GRIN2B: variants seen among roughly 807,000 people sequenced by gnomAD.
GRIN2B encodes glutamate ionotropic receptor NMDA type subunit 2B, also known as glutamate receptor ionotropic, NMDA 2B.
Under a neutral mutation model 114.5 loss-of-function variants are expected in GRIN2B, and 5 were observed. That is an observed-to-expected ratio of 0.04 (90% confidence interval 0.02 to 0.09). The LOEUF is 0.09. GRIN2B is among the 10% of genes least tolerant of loss of function. GRIN2B has a pLI of 1.00. For synonymous variants in GRIN2B, 787 were observed against 745.1 expected, an observed-to-expected ratio of 1.06 and a Z score of -0.92; for missense variants, 1,108 against 1,943.5, an observed-to-expected ratio of 0.57 and a Z score of 8.08.
chr12:13,885,539 CCT>C (rs1228746733), intron 2 of GRIN2B, among the ~76,000 whole-genome samples: 2 of 152,096 alleles, frequency 1.3e-5, no homozygotes, highest in African/African-American at 4.8e-5. Flanking sequence ...ATGTTCTTCC[CCT>C]GTGTTCTTCC....
chr12:13,590,662 G>T (rs549539654), intron 10 of GRIN2B, among the ~76,000 whole-genome samples: 1 of 152,186 alleles, frequency 6.6e-6, no homozygotes, highest in African/African-American at 2.4e-5. Context: ...TGGGCATTTA[G>T]GTTGGTTCCA....
chr12:13,567,072 T>C lies in GRIN2B; in HGVS notation c.2551A>G (p.Met851Val), dbSNP rs1948649948. Residue 851 changes from methionine to valine, a missense_variant, in exon 13 of 14, where the codon ATG becomes GTG. Physicochemically the swap from Met to Val is conservative, Grantham distance 21 (BLOSUM62 1). Around this residue, in one of 19 missense-constraint regions of GRIN2B, gnomAD observed 30 missense variants for 35.9 expected, o/e 0.84. Coordinates refer to ENST00000609686, the MANE Select transcript of GRIN2B (RefSeq NM_000834.5). ...CCAGGCTTGCCAGAACAGACACCCA[T>C]AAAGCAATGTCGGAACTGCCAATAG... ...LFYWQFRHCF[M>V]GVCSGKPGMV... 1.2e-6 allele frequency: 2 copies of C among 1,614,116 alleles called. No individual in the cohort carries two copies.
At chr12:13,567,833 ATAAAAAAGAGTGATG>A (rs1158966035) in intron 12 of GRIN2B, among the ~76,000 whole-genome samples, 4 of 152,164 alleles carry the variant, frequency 2.6e-5, no homozygotes, top group African/African-American at 9.7e-5. Context: ...AAGAAGCTGA[ATAAAAAAGAGTGATG>A]TAAGAGTGCT....
chr12:13,666,975 G>A (rs1949981992), intron 5 of GRIN2B, among the ~76,000 whole-genome samples: 1 of 152,180 alleles, frequency 6.6e-6, no homozygotes, highest in Non-Finnish European at 1.5e-5. Flanking sequence ...ATAGCAGCAA[G>A]TCAGGTATGT....
At chr12:13,973,429 T>A (rs1455819233) in intron 2 of GRIN2B, among the ~76,000 whole-genome samples, 1 of 152,194 alleles carries the variant, frequency 6.6e-6, no homozygotes, top group African/African-American at 2.4e-5. Context: ...AAACTTTAAT[T>A]GTCTTAATCT....
In GRIN2B at chr12:13,548,676, C is replaced by G. The variant is rs1268573021; in HGVS notation, c.*14107G>C. 1 of 152,070 alleles carries G rather than the reference C, an allele frequency of 6.6e-6. No individual in the cohort carries two copies. The highest frequency in any genetic ancestry group is 2.4e-5 in the African/African-American group (1 of 41,386). 9.4% of individuals were successfully genotyped at this position (152,070 alleles called of 1,614,324 possible). On this transcript the variant is annotated 3_prime_UTR_variant, in exon 14 of 14. Transcript: ENST00000609686. ...CAAGGTAGAAATAGCTACTGCCCCT[C>G]TCTCTTAGCTTACTATGATAACACG...
chr12:13,897,420 A>G (rs554818917), intron 2 of GRIN2B, among the ~76,000 whole-genome samples: 2 of 152,358 alleles, frequency 1.3e-5, no homozygotes, highest in South Asian at 4.1e-4. Context: ...ACTGTGTGAT[A>G]AAGAGCACCA....
rs117111914 is a variant in GRIN2B, at chr12:13,805,862, G to T, written c.412-51947C>A. Among the ~76,000 whole-genome samples, 958 of 152,174 alleles carry T rather than the reference G, an allele frequency of 6.3e-3. 6 individuals carry two copies. Among genetic ancestry groups the T allele is most frequent in the South Asian group, 1.0e-2 (48 of 4,820 alleles). ...ATTCACGTGGTCTAACTGGAATTTT[G>T]TATCCTTTGATCAACATACCCCAAT... On this transcript the variant is annotated intron_variant, in intron 3 of 13. Transcript: ENST00000609686.
chr12:13,713,321 G>T (rs1950430177), intron 4 of GRIN2B, among the ~76,000 whole-genome samples: 1 of 151,656 alleles, frequency 6.6e-6, no homozygotes, highest in Admixed American at 6.6e-5. Context: ...ATTCCTATTA[G>T]CCCTAATAAT....
intron 13 of GRIN2B, among the ~76,000 whole-genome samples, chr12:13,566,051 AC>A (rs549160358): frequency 3.4e-4 from 52 of 152,216 alleles, no homozygotes; most frequent in Non-Finnish European, 6.3e-4. Context: ...CAAGGAAGCA[AC>A]ATGGCTCAGG....
intron 4 of GRIN2B, among the ~76,000 whole-genome samples, chr12:13,751,066 T>C (rs1436843076): frequency 6.6e-6 from 1 of 151,866 alleles, no homozygotes; most frequent in Admixed American, 6.6e-5. Flanking sequence ...CTGTGTTTGG[T>C]GGGAAGGGGC....
chr12:13,625,499 C>A (rs1949556622), intron 5 of GRIN2B, among the ~76,000 whole-genome samples: 1 of 152,178 alleles, frequency 6.6e-6, no homozygotes, highest in South Asian at 2.1e-4. Flanking sequence ...CTGTGCCGGG[C>A]TCATTAGTTT....
At chr12:13,619,182 G>A (rs145794632) in intron 5 of GRIN2B, among the ~76,000 whole-genome samples, 117 of 152,262 alleles carry the variant, frequency 7.7e-4, no homozygotes, top group Middle Eastern at 3.4e-3. Flanking sequence ...AAGTTTGGAG[G>A]AGATATGAAT....
rs1174626178 is a variant in GRIN2B, at chr12:13,709,917, C to T, written c.1011-34058G>A. On this transcript the variant is annotated intron_variant, in intron 4 of 13. Coordinates refer to ENST00000609686, the MANE Select transcript of GRIN2B (RefSeq NM_000834.5). Reference sequence around the variant, plus strand: ...CTATCCTATAACCAATTATTCAGCTCCTGGGTATATACCCAAGAGAAATAA... The same window carrying T: ...CTATCCTATAACCAATTATTCAGCTTCTGGGTATATACCCAAGAGAAATAA... Among the ~76,000 whole-genome samples the T allele has an allele frequency of 2.0e-5, 3 of 151,894 alleles. No homozygotes were observed. The East Asian group carries it at 5.8e-4, about 29-fold the overall frequency.
chr12:13,603,589 A>G (rs1949195294), intron 10 of GRIN2B, among the ~76,000 whole-genome samples: 1 of 152,038 alleles, frequency 6.6e-6, no homozygotes, highest in Non-Finnish European at 1.5e-5. Flanking sequence ...TTACCTGGGA[A>G]GTTATCGCTG....
At chr12:13,860,604 A>G (rs990507134) in intron 3 of GRIN2B, among the ~76,000 whole-genome samples, 10 of 152,174 alleles carry the variant, frequency 6.6e-5, no homozygotes, top group African/African-American at 1.4e-4. Flanking sequence ...GATTACAGGC[A>G]TGAGCCACCG....
At chr12:13,581,815 C>A (rs1388222104) in intron 10 of GRIN2B, among the ~76,000 whole-genome samples, 1 of 149,272 alleles carries the variant, frequency 6.7e-6, no homozygotes, top group Non-Finnish European at 1.5e-5. Flanking sequence ...GAGGCTGAGG[C>A]AGGAGGATTG....
chr12:13,793,871 A>G (rs1864361176), intron 3 of GRIN2B, among the ~76,000 whole-genome samples: 1 of 151,900 alleles, frequency 6.6e-6, no homozygotes, highest in Non-Finnish European at 1.5e-5. Flanking sequence ...AGGTTTTTAA[A>G]TCCTTTAAAA....
chr12:13,765,960 G>A (rs746979643), intron 3 of GRIN2B, among the ~76,000 whole-genome samples: 15 of 152,184 alleles, frequency 9.9e-5, no homozygotes, highest in Non-Finnish European at 1.8e-4. Context: ...CAGTAGTCTA[G>A]TAAAAGTCTA....
Sources: gnomAD v4.1 joint callset for allele counts (sites outside exome capture counted in the v4.1 genomes callset) on GRCh38, gnomAD v4.1.1 for gene constraint, gnomAD v4.1.1 regional missense constraint, MANE v1.5 for transcripts, NCBI Gene and HGNC (gene_info 2026-07-23, HGNC 2026-07-21) for gene names.